Variants in AMD1 observed in about 807,000 individuals in gnomAD.
AMD1 encodes adenosylmethionine decarboxylase 1, also known as S-adenosylmethionine decarboxylase proenzyme.
A neutral mutation model predicts 40.2 loss-of-function variants in AMD1; 11 were observed. That is an observed-to-expected ratio of 0.27 (90% CI 0.17 to 0.45). The LOEUF is 0.45. Ranked by LOEUF, AMD1 falls within the 20% of genes least tolerant of loss-of-function variation. AMD1 has a pLI of 1.00. For missense variants in AMD1, 257 were observed against 410.2 expected, an observed-to-expected ratio of 0.63 and a Z score of 3.23; for synonymous variants, 121 against 130.8, an observed-to-expected ratio of 0.93 and a Z score of 0.51.
chr6:110,858,990 G>A, the AMD1 span: 33 of 1,137,492 alleles, frequency 2.9e-5, no homozygotes, highest in Non-Finnish European at 3.5e-5. Flanking sequence ...CACGCAGGGC[G>A]CCAAGCAAAG....
At chr6:110,817,592 G>C in the AMD1 span, among the ~76,000 whole-genome samples, 2 of 152,052 alleles carry the variant, frequency 1.3e-5, no homozygotes, top group Non-Finnish European at 2.9e-5. Context: ...CTGGGCAACA[G>C]AGCAAGACCC....
At chr6:110,867,481 T>C in the AMD1 span, among the ~76,000 whole-genome samples, 2 of 152,018 alleles carry the variant, frequency 1.3e-5, no homozygotes, top group Admixed American at 1.3e-4. Context: ...CTGGTCAACA[T>C]GGCAAAACCC....
At chr6:110,838,531 G>A in the AMD1 span, among the ~76,000 whole-genome samples, 1 of 151,996 alleles carries the variant, frequency 6.6e-6, no homozygotes, top group South Asian at 2.1e-4. Flanking sequence ...GAAGCACCAG[G>A]GACCTCTTAA....
chr6:110,887,092 T>C (rs1785735951), intron 1 of AMD1, among the ~76,000 whole-genome samples: 2 of 152,218 alleles, frequency 1.3e-5, no homozygotes, highest in South Asian at 2.1e-4. Context: ...GACAGGCTTT[T>C]AAATTTCTAT....
chr6:110,840,676 A>T, the AMD1 span, among the ~76,000 whole-genome samples: 4 of 142,110 alleles, frequency 2.8e-5, no homozygotes, highest in Non-Finnish European at 3.0e-5. Context: ...TCATGATGTC[A>T]GTATTCACTC....
chr6:110,827,887 T>G, the AMD1 span, among the ~76,000 whole-genome samples: 11 of 152,162 alleles, frequency 7.2e-5, no homozygotes, highest in Non-Finnish European at 1.5e-4. Context: ...TTCTTAAACA[T>G]TAGGTTAGTG....
At chr6:110,817,019 T>C in the AMD1 span, among the ~76,000 whole-genome samples, 1 of 152,232 alleles carries the variant, frequency 6.6e-6, no homozygotes, top group Non-Finnish European at 1.5e-5. Context: ...CTGACTGGTA[T>C]CAATTTAGTT....
At chr6:110,848,703 T>A in the AMD1 span, 1 of 322,434 alleles carries the variant, frequency 3.1e-6, no homozygotes, top group Non-Finnish European at 5.9e-6. Flanking sequence ...ACTGATGGAG[T>A]ATTGATAGCC....
chr6:110,879,832 A>G (rs1785308315), intron 1 of AMD1, among the ~76,000 whole-genome samples: 1 of 152,254 alleles, frequency 6.6e-6, no homozygotes, highest in South Asian at 2.1e-4. Context: ...AGCTTTTCAA[A>G]TAAAAATTTG....
the AMD1 span, among the ~76,000 whole-genome samples, chr6:110,867,809 A>G: frequency 4.6e-5 from 7 of 152,246 alleles, no homozygotes; most frequent in African/African-American, 1.7e-4. Flanking sequence ...GTGTTCATGA[A>G]CCACATAAAA....
rs1785013348 is a variant in AMD1 at position 110,874,879 on chromosome 6, T to C, written c.-227T>C. The C allele has an allele frequency of 3.7e-6, 2 of 535,428 alleles. No individual in the cohort carries two copies. The highest frequency in any genetic ancestry group is 3.8e-5 in the African/African-American group (2 of 52,512). The allele number at this position is 535,428 out of a possible 1,614,324, so 33.2% of individuals were successfully genotyped here. On this transcript the variant is annotated 5_prime_UTR_variant, in exon 1 of 9. Coordinates refer to ENST00000368885, the MANE Select transcript of AMD1 (RefSeq NM_001634.6). ...TACAAGAGACTGAACTGTATCTGCC[T>C]CTATTTCCAAAAGACTCACGTTCAA...
chr6:110,840,832 G>T, the AMD1 span, among the ~76,000 whole-genome samples: 1 of 152,044 alleles, frequency 6.6e-6, no homozygotes, highest in Admixed American at 6.6e-5. Context: ...CATTTCCTGA[G>T]GCCTGCCCAA....
the AMD1 span, among the ~76,000 whole-genome samples, chr6:110,853,252 A>T: frequency 8.7e-4 from 131 of 151,168 alleles, 2 homozygotes; most frequent in East Asian, 0.012. Flanking sequence ...CCTCCTGAAT[A>T]GCTGAGACTA....
At chr6:110,870,359 T>TGG (rs1784891763), upstream of AMD1, among the ~76,000 whole-genome samples, 1 of 152,152 alleles carries the variant, frequency 6.6e-6, no homozygotes, top group Non-Finnish European at 1.5e-5. Context: ...GTGTGGTGGC[T>TGG]CACACTTGTA....
the AMD1 span, among the ~76,000 whole-genome samples, chr6:110,819,059 G>A: frequency 6.6e-6 from 1 of 152,070 alleles, no homozygotes; most frequent in Non-Finnish European, 1.5e-5. Flanking sequence ...CAATAGGACG[G>A]TAAAAACAAC....
chr6:110,819,381 CA>C, the AMD1 span, among the ~76,000 whole-genome samples: 1 of 151,996 alleles, frequency 6.6e-6, no homozygotes, highest in Non-Finnish European at 1.5e-5. Flanking sequence ...AAACAAAAAA[CA>C]AGGATCTGAA....
intron 1 of AMD1, among the ~76,000 whole-genome samples, chr6:110,884,601 C>G (rs1205415280): frequency 6.6e-6 from 1 of 151,996 alleles, no homozygotes; most frequent in East Asian, 1.9e-4. Flanking sequence ...TCCCAGCTGC[C>G]TTTTTTCTTT....
chr6:110,872,456 G>C (rs1178248069), upstream of AMD1, among the ~76,000 whole-genome samples: 1 of 152,088 alleles, frequency 6.6e-6, no homozygotes, highest in Non-Finnish European at 1.5e-5. Context: ...TAGCCAATGA[G>C]GCATTTTTAA....
intron 4 of AMD1, 108 bp downstream of exon 4, chr6:110,890,464 A>G (rs1785952545): frequency 2.6e-6 from 2 of 780,434 alleles, no homozygotes; most frequent in Non-Finnish European, 2.1e-6. Flanking sequence ...CATTCTACAC[A>G]CACTAATACT....
Sources: gnomAD v4.1 joint callset for allele counts (sites outside exome capture counted in the v4.1 genomes callset) on GRCh38, gnomAD v4.1.1 for gene constraint, MANE v1.5 for transcripts, NCBI Gene and HGNC (gene_info 2026-07-23, HGNC 2026-07-21) for gene names.